Variants in CDK5RAP2 observed in about 807,000 individuals in gnomAD.
CDK5RAP2 encodes CDK5 regulatory subunit associated protein 2, also known as CDK5 regulatory subunit-associated protein 2.
Under a neutral mutation model 232.9 loss-of-function variants are expected in CDK5RAP2, and 147 were observed. The observed-to-expected ratio is 0.63, with a 90% CI of 0.55 to 0.72. The LOEUF (loss-of-function observed/expected upper bound fraction) is 0.72. Ranked by LOEUF, CDK5RAP2 falls within the 30% of genes least tolerant of loss-of-function variation. The pLI, the probability that CDK5RAP2 is intolerant of heterozygous loss-of-function variation, is 0.00. For synonymous variants in CDK5RAP2, 833 were observed against 833.7 expected, an observed-to-expected ratio of 1.00 and a Z score of 0.01; for missense variants, 2,195 against 2,231.5, an observed-to-expected ratio of 0.98 and a Z score of 0.33.
chr9:120,497,420 T>TAA (rs1564300312), intron 12 of CDK5RAP2, among the ~76,000 whole-genome samples: 3 of 22,210 alleles, frequency 1.4e-4, no homozygotes, highest in African/African-American at 1.8e-4. Context: ...AAAAATAAAT[T>TAA]TAAAAAAAAA....
At chr9:120,489,752 C>A (rs779462585) in intron 13 of CDK5RAP2, among the ~76,000 whole-genome samples, 1 of 150,964 alleles carries the variant, frequency 6.6e-6, no homozygotes, top group Admixed American at 6.6e-5. Flanking sequence ...CTCCTCCTTG[C>A]ATGTTTCTAT....
chr9:120,556,544 T>C (rs1232699363), intron 3 of CDK5RAP2, among the ~76,000 whole-genome samples: 1 of 152,002 alleles, frequency 6.6e-6, no homozygotes, highest in African/African-American at 2.4e-5. Flanking sequence ...TTCTCCTGCC[T>C]CAGTCTCCCA....
rs763874249 is a variant in CDK5RAP2 at position 120,568,388 on chromosome 9, A to G, written c.128T>C (p.Leu43Pro). Residue 43 changes from leucine (L) to proline (P), a missense_variant and splice_region_variant, in exon 3 of 38, where the codon CTG becomes CCG. Leu to Pro is a moderately conservative substitution (Grantham distance 98). Transcript: ENST00000349780. ...TGTTTCTTCTGACACATTTGGGAGC[A>G]CTGTAAAAAGGTAAAATAGAGGAAA... ...INPNAGLGNG[L>P]LPNVSEETVS... 2 of 1,611,860 alleles carry G rather than the reference A, an allele frequency of 1.2e-6. No homozygotes were observed. Among genetic ancestry groups the G allele is most frequent in the African/African-American group, 1.3e-5 (1 of 74,870 alleles).
chr9:120,429,059 C>T (rs548066493), intron 25 of CDK5RAP2, among the ~76,000 whole-genome samples: 29 of 152,128 alleles, frequency 1.9e-4, no homozygotes, highest in African/African-American at 7.0e-4. Context: ...ATTCAACAAC[C>T]CTTCATGCTA....
intron 25 of CDK5RAP2, among the ~76,000 whole-genome samples, chr9:120,428,588 C>T (rs564784179): frequency 1.1e-4 from 16 of 152,210 alleles, no homozygotes; most frequent in Admixed American, 2.0e-4. Context: ...AGACCAATAA[C>T]AGGATCTGAA....
rs577575628 is a variant in CDK5RAP2, at chr9:120,443,156, G to A, written c.3148+464C>T. Among the ~76,000 whole-genome samples, 6 of 152,128 alleles carry A rather than the reference G, an allele frequency of 3.9e-5. No homozygotes were observed. In the South Asian group the frequency reaches 1.2e-3, roughly 32 times the overall value. On this transcript the variant is annotated intron_variant, in intron 23 of 37. Transcript: ENST00000349780. ...TGCACCTTTTCCACTGATCTGCCTG[G>A]CAAACCCCACAAACCCAGTCTCAGC... is the stretch of plus-strand genomic sequence containing the variant.
intron 10 of CDK5RAP2, among the ~76,000 whole-genome samples, chr9:120,525,870 A>G (rs960554591): frequency 6.6e-6 from 1 of 152,186 alleles, no homozygotes; most frequent in Admixed American, 6.5e-5. Flanking sequence ...CTCCGACCTC[A>G]GCCTCCCAAA....
intron 6 of CDK5RAP2, among the ~76,000 whole-genome samples, chr9:120,537,691 TAAAA>T (rs773858392): frequency 7.4e-6 from 1 of 135,762 alleles, no homozygotes; most frequent in Non-Finnish European, 1.6e-5. Context: ...ATCATCTGTT[TAAAA>T]AAAAAAAAAA....
At chr9:120,418,547 A>T (rs1044392692) in intron 27 of CDK5RAP2, among the ~76,000 whole-genome samples, 1 of 152,180 alleles carries the variant, frequency 6.6e-6, no homozygotes, top group Non-Finnish European at 1.5e-5. Flanking sequence ...CTGAATGGAT[A>T]CAATACAGAA....
rs532043474 is a variant in CDK5RAP2 at position 120,388,914 on chromosome 9, T to C, written c.*322A>G. ...TCATTTAATGAGAATCTTCAAACTG[T>C]GGCACTGGCTGAGTACTAAGCAAAT... On this transcript the variant is annotated 3_prime_UTR_variant, in exon 38 of 38. Transcript: ENST00000349780. The C allele has an allele frequency of 1.4e-5, 6 of 421,186 alleles. No individual in the cohort carries two copies. The highest frequency in any genetic ancestry group is 1.0e-4 in the African/African-American group (5 of 50,112). The allele number at this position is 421,186 out of a possible 1,614,324, so 26.1% of individuals were successfully genotyped here.
At position 120,568,371 on chromosome 9, in the gene CDK5RAP2, C is replaced by T. The variant is rs2042722680; in HGVS notation, c.145G>A (p.Glu49Lys). Residue 49 changes from glutamate to lysine, a missense_variant, in exon 3 of 38, where the codon GAA (glutamate) becomes AAA (lysine). Transcript: ENST00000349780. ...LGNGLLPNVS[E>K]ETVSPTRARN... ...GCTCTGGTGGGAGACACTGTTTCTTCTGACACATTTGGGAGCACTGTAAAA... is the reference window on the plus strand; with the variant it reads ...GCTCTGGTGGGAGACACTGTTTCTTTTGACACATTTGGGAGCACTGTAAAA... 7.4e-6 allele frequency: 12 copies of T among 1,613,632 alleles called. No homozygotes were observed. The highest frequency in any genetic ancestry group is 1.0e-5 in the Non-Finnish European group (12 of 1,179,542).
intron 25 of CDK5RAP2, among the ~76,000 whole-genome samples, chr9:120,430,262 G>A (rs1348810169): frequency 6.6e-6 from 1 of 152,128 alleles, no homozygotes; most frequent in Non-Finnish European, 1.5e-5. Flanking sequence ...TTGACAAATG[G>A]GATCTAATTA....
intron 12 of CDK5RAP2, among the ~76,000 whole-genome samples, chr9:120,514,604 CAG>C (rs892672923): frequency 7.9e-5 from 12 of 152,322 alleles, no homozygotes; most frequent in Admixed American, 5.2e-4. Flanking sequence ...AGCCAGCTCT[CAG>C]AGAGAGAGTC....
chr9:120,457,789 C>A (rs144253325), intron 20 of CDK5RAP2, among the ~76,000 whole-genome samples: 1 of 152,112 alleles, frequency 6.6e-6, no homozygotes, highest in African/African-American at 2.4e-5. Flanking sequence ...TTTTCTTAAA[C>A]GTTTTTTTCT....
chr9:120,555,543 A>C (rs2042197571), intron 3 of CDK5RAP2, among the ~76,000 whole-genome samples: 2 of 152,254 alleles, frequency 1.3e-5, no homozygotes, highest in South Asian at 4.1e-4. Context: ...GGTAAAATAA[A>C]ATTTTTTAAT....
Position 120,530,005 on chromosome 9 carries a change from T to G in CDK5RAP2, c.798A>C (p.Pro266=). 6.2e-7 allele frequency: 1 copy of G among 1,613,996 alleles called. No individual in the cohort carries two copies. Among genetic ancestry groups the G allele is most frequent in the African/African-American group, 1.3e-5 (1 of 75,040 alleles). ...CAGTTTCTCTCTCCTTTTCTTCCCT[T>G]GGAGCAGCACAAAGTCCTCGGAGCT... ...SGELRGLCAA[P]REEKERETEA... is the part of the protein sequence containing the mutation. Residue 266 remains proline, a synonymous_variant, in exon 8 of 38, where the codon CCA becomes CCC. Coordinates refer to ENST00000349780, the MANE Select transcript of CDK5RAP2 (RefSeq NM_018249.6).
chr9:120,457,376 A>G (rs986763478), intron 20 of CDK5RAP2, among the ~76,000 whole-genome samples: 2 of 152,190 alleles, frequency 1.3e-5, no homozygotes, highest in Non-Finnish European at 1.5e-5. Context: ...CCTCAGACAA[A>G]AAGTGTCTTT....
chr9:120,415,401 T>G (rs907435536), intron 27 of CDK5RAP2, among the ~76,000 whole-genome samples: 2 of 152,218 alleles, frequency 1.3e-5, no homozygotes, highest in Non-Finnish European at 2.9e-5. Context: ...TAGAAAAAAT[T>G]ATATTCCATA....
intron 27 of CDK5RAP2, among the ~76,000 whole-genome samples, chr9:120,416,876 G>A (rs1341429061): frequency 6.6e-6 from 1 of 152,234 alleles, no homozygotes; most frequent in Non-Finnish European, 1.5e-5. Context: ...AAGTAGCACA[G>A]TGTTACAGAT....
Sources: allele counts gnomAD v4.1 joint callset (sites outside exome capture counted in the v4.1 genomes callset), GRCh38; gene constraint gnomAD v4.1.1; transcripts MANE v1.5; gene names NCBI Gene and HGNC (gene_info 2026-07-23, HGNC 2026-07-21).